ATP8B1: variants seen among roughly 807,000 people sequenced by gnomAD.
ATP8B1 encodes the protein phospholipid-transporting ATPase IC.
In ATP8B1, 80 loss-of-function variants were observed where a neutral mutation model predicts 149.9. The ratio of observed to expected loss-of-function variants is 0.53; its 90% CI spans 0.45 to 0.64. The LOEUF (loss-of-function observed/expected upper bound fraction) is 0.64. Among genes scored for constraint, ATP8B1 ranks in the 30% least tolerant of loss-of-function variants. The pLI, the probability that ATP8B1 is intolerant of heterozygous loss-of-function variation, is 0.00. For synonymous variants in ATP8B1, 536 were observed against 562.8 expected, an observed-to-expected ratio of 0.95 and a Z score of 0.67; for missense variants, 1,247 against 1,552.6, an observed-to-expected ratio of 0.80 and a Z score of 3.31.
chr18:57,678,310 G>A (rs1027726228), intron 15 of ATP8B1, among the ~76,000 whole-genome samples: 3 of 152,112 alleles, frequency 2.0e-5, no homozygotes, highest in Non-Finnish European at 4.4e-5. Context: ...TATTAGGGCA[G>A]GGCACGGTGG....
chr18:57,762,963 T>G (rs2080171258), intron 1 of ATP8B1, among the ~76,000 whole-genome samples: 3 of 152,198 alleles, frequency 2.0e-5, no homozygotes, highest in African/African-American at 7.2e-5. Flanking sequence ...TAACTGGCAC[T>G]TGGAGTTCTA....
chr18:57,741,322 T>A (rs8089774), intron 1 of ATP8B1, among the ~76,000 whole-genome samples: 1,900 of 152,308 alleles, frequency 0.012, 47 homozygotes, highest in African/African-American at 0.043. Flanking sequence ...TGACTTCTTG[T>A]TGCCAGCCAA....
intron 1 of ATP8B1, among the ~76,000 whole-genome samples, chr18:57,763,013 G>A (rs1244552627): frequency 6.6e-6 from 1 of 152,174 alleles, no homozygotes; most frequent in Admixed American, 6.6e-5. Flanking sequence ...CTAAGTGAGG[G>A]AAAATGAACT....
chr18:57,684,002 T>A, intron 15 of ATP8B1, 34 bp downstream of exon 15: 2 of 1,613,984 alleles, frequency 1.2e-6, no homozygotes, highest in Non-Finnish European at 1.7e-6. Context: ...AAAAACCTGG[T>A]CTCTAATGCC....
At chr18:57,726,940 C>A (rs748035874) in intron 2 of ATP8B1, among the ~76,000 whole-genome samples, 1 of 152,090 alleles carries the variant, frequency 6.6e-6, no homozygotes, top group Non-Finnish European at 1.5e-5. Context: ...ATTAGCTGGG[C>A]GTGATGGCGG....
chr18:57,726,534 A>G (rs563469254), intron 2 of ATP8B1, among the ~76,000 whole-genome samples: 3 of 152,324 alleles, frequency 2.0e-5, no homozygotes, highest in South Asian at 2.1e-4. Context: ...AGAGTTTGTA[A>G]AAATTCCACA....
rs78756095 is a variant in ATP8B1, at chr18:57,781,201, A to G, written c.-26+21797T>C. On this transcript the variant is annotated intron_variant, in intron 1 of 27. Coordinates refer to ENST00000648908, the MANE Select transcript of ATP8B1 (RefSeq NM_001374385.1). ...AAACACAGGAACTTCTACTTCTTCA[A>G]AGTCTCCCGAGGTGATTTTTAATAC... Among the ~76,000 whole-genome samples, 1,189 of 152,348 alleles carry G rather than the reference A, an allele frequency of 7.8e-3. 16 individuals carry two copies. The highest frequency in any genetic ancestry group is 0.028 in the African/African-American group (1,144 of 41,572).
intron 1 of ATP8B1, among the ~76,000 whole-genome samples, chr18:57,777,587 G>A (rs2123400854): frequency 6.6e-6 from 1 of 152,202 alleles, no homozygotes. Flanking sequence ...TATTTATTTT[G>A]AGACAGGGTC....
intron 1 of ATP8B1, among the ~76,000 whole-genome samples, chr18:57,763,748 A>G (rs987043693): frequency 1.3e-5 from 2 of 152,098 alleles, no homozygotes; most frequent in Admixed American, 6.5e-5. Flanking sequence ...TTATTTTTGC[A>G]TAACATAAAC....
At chr18:57,796,025 C>T (rs2080511835) in intron 1 of ATP8B1, among the ~76,000 whole-genome samples, 3 of 151,966 alleles carry the variant, frequency 2.0e-5, no homozygotes, top group Non-Finnish European at 4.4e-5. Flanking sequence ...AAAAATTAGC[C>T]AAGCCTGGTG....
In ATP8B1 at chr18:57,765,624, G is replaced by A. The variant is rs572685940; in HGVS notation, c.-25-33792C>T. Among the ~76,000 whole-genome samples the A allele has an allele frequency of 3.3e-5, 5 of 150,470 alleles. No homozygotes were observed. The South Asian group carries it at 6.4e-4, about 19-fold the overall frequency. On this transcript the variant is annotated intron_variant, in intron 1 of 27. Transcript: ENST00000648908. ...GTGGAGGTTGCAGTAAGCCAAGATC[G>A]CGCCACTGCACTCTAGCCTGGGTGA...
intron 1 of ATP8B1, among the ~76,000 whole-genome samples, chr18:57,786,970 G>A (rs1335671381): frequency 1.3e-5 from 2 of 152,200 alleles, no homozygotes; most frequent in Non-Finnish European, 2.9e-5. Context: ...TGGAACAGAA[G>A]AATGACCCCT....
At chr18:57,717,594 A>T (rs1346921836) in intron 2 of ATP8B1, among the ~76,000 whole-genome samples, 2 of 140,368 alleles carry the variant, frequency 1.4e-5, no homozygotes, top group East Asian at 2.0e-4. Context: ...AAAAAGAACT[A>T]GAAAAGCAAG....
At position 57,697,622 on chromosome 18, in the gene ATP8B1, C is replaced by T; in HGVS notation, c.694G>A (p.Asp232Asn). The T allele has an allele frequency of 6.2e-7, 1 of 1,613,942 alleles. No individual in the cohort carries two copies. Among genetic ancestry groups the T allele is most frequent in the Non-Finnish European group, 8.5e-7 (1 of 1,179,962 alleles). The change falls in exon 8 of 28, where the codon GAT (aspartate) becomes AAT (asparagine). Residue 232 changes from aspartate to asparagine, a missense_variant. By Grantham distance (23) the Asp-to-Asn change is conservative (BLOSUM62 1). This residue lies in a region of ATP8B1 where 853 missense variants were observed against 1,035.7 expected (regional missense o/e 0.82). Transcript: ENST00000648908. ...GGCCCATCGAGACACACTTACCCAT[C>T]CAGTTCTGCTGTTTCCACATAGCAG... is the stretch of plus-strand genomic sequence containing the variant. ...SLCYVETAEL[D>N]GETNLKFKMS...
intron 1 of ATP8B1, among the ~76,000 whole-genome samples, chr18:57,743,499 C>T (rs972617392): frequency 5.9e-5 from 9 of 152,154 alleles, no homozygotes; most frequent in Non-Finnish European, 8.8e-5. Context: ...CAATGTATGC[C>T]GCTGAAGAGT....
At chr18:57,728,147 TA>T (rs35037082) in intron 2 of ATP8B1, among the ~76,000 whole-genome samples, 14,172 of 148,834 alleles carry the variant, frequency 0.095, 1,059 homozygotes, top group African/African-American at 0.21. Context: ...TTCCTTTCTT[TA>T]AAAAAAAAAG....
Position 57,726,869 on chromosome 18 carries a change from C to T in ATP8B1, c.181+4758G>A, listed in dbSNP as rs571965446. Among the ~76,000 whole-genome samples, 3 of 152,160 alleles carry T rather than the reference C, an allele frequency of 2.0e-5. No individual in the cohort carries two copies. In the South Asian group the frequency reaches 6.2e-4, roughly 31 times the overall value. ...CCAGGGTGGGCGAATCACCTTAGGT[C>T]AGGAGTTCAAGACAAGCCTGGCCAA... On this transcript the variant is annotated intron_variant, in intron 2 of 27. Coordinates refer to ENST00000648908, the MANE Select transcript of ATP8B1 (RefSeq NM_001374385.1).
chr18:57,669,137 C>T, intron 18 of ATP8B1, 181 bp downstream of exon 18: 1 of 526,336 alleles, frequency 1.9e-6, no homozygotes, highest in Non-Finnish European at 3.1e-6. Context: ...CTCATAATGG[C>T]AACTTCTGTT....
intron 2 of ATP8B1, among the ~76,000 whole-genome samples, chr18:57,719,729 C>T (rs1054571925): frequency 4.6e-5 from 7 of 152,200 alleles, no homozygotes; most frequent in Admixed American, 1.3e-4. Flanking sequence ...ACAAAGCAGC[C>T]GGGAAGCTCG....
Sources: allele counts gnomAD v4.1 joint callset (sites outside exome capture counted in the v4.1 genomes callset), GRCh38; gene constraint gnomAD v4.1.1; regional missense constraint gnomAD v4.1.1; transcripts MANE v1.5; gene names NCBI Gene and HGNC (gene_info 2026-07-23, HGNC 2026-07-21).